Variants in SLC35F3 observed in about 807,000 individuals in gnomAD.
SLC35F3 encodes solute carrier family 35 member F3.
SLC35F3 carries 25 observed loss-of-function variants against 49.9 expected under a neutral mutation model. That is an observed-to-expected ratio of 0.50 (90% CI 0.37 to 0.70). The LOEUF is 0.70. Ranked by LOEUF, SLC35F3 falls within the 30% of genes least tolerant of loss-of-function variation. The pLI is 0.00. For synonymous variants in SLC35F3, 275 were observed against 265.4 expected (o/e 1.04, Z -0.35); for missense variants, 525 against 639.8 (o/e 0.82, Z 1.94).
chr1:234,218,300 C>T (rs894502354), intron 2 of SLC35F3, among the ~76,000 whole-genome samples: 1 of 152,038 alleles, frequency 6.6e-6, no homozygotes, highest in African/African-American at 2.4e-5. Context: ...CCCCAAGAGG[C>T]GTGCAGCAAG....
chr1:234,121,874 C>T (rs937908450), intron 2 of SLC35F3, among the ~76,000 whole-genome samples: 1 of 152,124 alleles, frequency 6.6e-6, no homozygotes, highest in African/African-American at 2.4e-5. Context: ...ACATCCACAT[C>T]GCTACAAAGG....
intron 2 of SLC35F3, among the ~76,000 whole-genome samples, chr1:234,049,099 T>C (rs1158872077): frequency 6.6e-6 from 1 of 152,216 alleles, no homozygotes; most frequent in East Asian, 1.9e-4. Context: ...GTTGATGAGT[T>C]GATGCTGAAA....
chr1:234,298,683 C>T (rs1160036147), intron 3 of SLC35F3, among the ~76,000 whole-genome samples: 3 of 152,192 alleles, frequency 2.0e-5, no homozygotes, highest in Non-Finnish European at 1.5e-5. Flanking sequence ...GATCAATTTG[C>T]CACTATTATA....
chr1:234,115,282 T>G (rs1406847311), intron 2 of SLC35F3, among the ~76,000 whole-genome samples: 1 of 152,216 alleles, frequency 6.6e-6, no homozygotes, highest in African/African-American at 2.4e-5. Context: ...CTGCCCCTTT[T>G]ACTCCTGGCT....
intron 2 of SLC35F3, among the ~76,000 whole-genome samples, chr1:234,188,711 G>C (rs988715416): frequency 6.6e-6 from 1 of 152,056 alleles, no homozygotes; most frequent in African/African-American, 2.4e-5. Context: ...ATGCTCTCTC[G>C]AAAGCGCCAC....
chr1:233,958,873 C>A (rs187717195), intron 2 of SLC35F3, among the ~76,000 whole-genome samples: 2 of 152,162 alleles, frequency 1.3e-5, no homozygotes, highest in Admixed American at 1.3e-4. Context: ...TACAAAATAA[C>A]GCATGAGCAG....
chr1:234,061,796 C>T (rs140093336), intron 2 of SLC35F3, among the ~76,000 whole-genome samples: 41 of 152,180 alleles, frequency 2.7e-4, no homozygotes, highest in African/African-American at 9.9e-4. Context: ...CCAGAATTTA[C>T]GTTTGGCTTT....
rs537683309 is a variant in SLC35F3, at chr1:234,227,487, C to T, written c.284-3930C>T. The stretch of plus-strand genomic sequence containing the variant: ...AATCTCGGCTTACTACAAGCTCCGC[C>T]TCCCAGGTTCACGCCATTCTCCTGC... On this transcript the variant is annotated intron_variant, in intron 2 of 7. Coordinates refer to ENST00000366618, the MANE Select transcript of SLC35F3 (RefSeq NM_173508.4). Among the ~76,000 whole-genome samples the T allele has an allele frequency of 2.7e-5, 4 of 150,914 alleles. No individual in the cohort carries two copies. In the East Asian group the frequency reaches 8.0e-4, roughly 30 times the overall value.
At chr1:234,147,804 G>C (rs12077813) in intron 2 of SLC35F3, among the ~76,000 whole-genome samples, 10,389 of 152,260 alleles carry the variant, frequency 0.068, 584 homozygotes, top group African/African-American at 0.14. Context: ...GAATCTGAAT[G>C]ACCGGAGAGC....
chr1:234,266,222 A>C (rs1199266748), intron 3 of SLC35F3, among the ~76,000 whole-genome samples: 1 of 152,170 alleles, frequency 6.6e-6, no homozygotes, highest in East Asian at 1.9e-4. Context: ...CAACTTAAAT[A>C]TTTTTTAAAG....
At chr1:234,270,899 T>A (rs1668089379) in intron 3 of SLC35F3, among the ~76,000 whole-genome samples, 1 of 152,204 alleles carries the variant, frequency 6.6e-6, no homozygotes, top group Admixed American at 6.5e-5. Context: ...GTTGTCCTCA[T>A]CATGCTTATA....
chr1:233,964,603 C>G (rs745315874), intron 2 of SLC35F3, among the ~76,000 whole-genome samples: 1 of 152,132 alleles, frequency 6.6e-6, no homozygotes, highest in Admixed American at 6.5e-5. Flanking sequence ...TCATGTGTCG[C>G]GAAGGCATGC....
intron 2 of SLC35F3, among the ~76,000 whole-genome samples, chr1:234,108,373 T>C (rs1367214299): frequency 1.1e-5 from 1 of 92,972 alleles, no homozygotes; most frequent in African/African-American, 3.5e-5. Flanking sequence ...TGATATATAT[T>C]ATTTATATAT....
At chr1:233,954,529 A>G (rs891033903) in intron 2 of SLC35F3, among the ~76,000 whole-genome samples, 7 of 152,222 alleles carry the variant, frequency 4.6e-5, no homozygotes, top group Admixed American at 2.0e-4. Context: ...TCTTCTGGCA[A>G]GCAACTCAAT....
At chr1:234,321,384 G>A (rs1026032766) in intron 7 of SLC35F3, among the ~76,000 whole-genome samples, 7 of 152,150 alleles carry the variant, frequency 4.6e-5, no homozygotes, top group Non-Finnish European at 7.4e-5. Context: ...TTGCTACTTC[G>A]GTTGATGTGA....
At position 233,928,120 on chromosome 1, in the gene SLC35F3, G is replaced by A. The variant is rs1281221623; in HGVS notation, c.283+22362G>A. 2.0e-5 allele frequency among the ~76,000 whole-genome samples: 3 copies of A among 152,128 alleles called. No homozygotes were observed. The East Asian group carries it at 5.8e-4, about 29-fold the overall frequency. ...TTGGCACTGTAAATTTTCTGCATAAGCCCTAGCCCTCTGCTTCCTCACATG... is the reference window on the plus strand; with the variant it reads ...TTGGCACTGTAAATTTTCTGCATAAACCCTAGCCCTCTGCTTCCTCACATG... On this transcript the variant is annotated intron_variant, in intron 2 of 7. Coordinates refer to ENST00000366618, the MANE Select transcript of SLC35F3 (RefSeq NM_173508.4).
chr1:234,205,224 C>T lies in SLC35F3; in HGVS notation c.284-26193C>T, dbSNP rs1327448932. 5.9e-5 allele frequency among the ~76,000 whole-genome samples: 9 copies of T among 152,222 alleles called. No homozygotes were observed. In the South Asian group the frequency reaches 6.2e-4, roughly 11 times the overall value. ...ACAGTTCTAGTGGACTTGGGTGGGC[C>T]GCACTCTGAGGTAATGGTCTCAGCA... On this transcript the variant is annotated intron_variant, in intron 2 of 7. Transcript: ENST00000366618.
chr1:234,149,988 A>G (rs1392398202), intron 2 of SLC35F3, among the ~76,000 whole-genome samples: 1 of 152,194 alleles, frequency 6.6e-6, no homozygotes, highest in African/African-American at 2.4e-5. Context: ...GAGGTTCCTC[A>G]TGTTGATCCC....
intron 3 of SLC35F3, among the ~76,000 whole-genome samples, chr1:234,300,705 A>C (rs545227832): frequency 1.3e-5 from 2 of 152,222 alleles, no homozygotes; most frequent in Non-Finnish European, 2.9e-5. Context: ...GCTGATACCC[A>C]ATTGATGGAA....
Sources: gnomAD v4.1 joint callset for allele counts (sites outside exome capture counted in the v4.1 genomes callset) on GRCh38, gnomAD v4.1.1 for gene constraint, MANE v1.5 for transcripts, NCBI Gene and HGNC (gene_info 2026-07-23, HGNC 2026-07-21) for gene names.